The following SESTD1 variants were observed in gnomAD, a reference collection of about 807,000 sequenced individuals.
SESTD1 encodes SEC14 domain and spectrin repeat-containing protein 1.
In SESTD1, 43 loss-of-function variants were observed where a neutral mutation model predicts 101.7. That is an observed-to-expected ratio of 0.42 (90% CI 0.33 to 0.55). The LOEUF is 0.55. SESTD1 is among the 20% of genes least tolerant of loss of function. The probability of loss-of-function intolerance (pLI) is 0.07; values close to 1 mark genes in which losing one functional copy is unlikely to be tolerated. For synonymous variants in SESTD1, 283 were observed against 286.8 expected, an observed-to-expected ratio of 0.99 and a Z score of 0.13; for missense variants, 647 against 815.1, an observed-to-expected ratio of 0.79 and a Z score of 2.51.
At chr2:179,150,287 C>T (rs1009957141) in intron 6 of SESTD1, among the ~76,000 whole-genome samples, 23 of 151,698 alleles carry the variant, frequency 1.5e-4, no homozygotes, top group Non-Finnish European at 2.2e-4. Flanking sequence ...CACCATTCTC[C>T]AATAAAATTA....
chr2:179,169,709 C>T (rs1280123118), intron 5 of SESTD1, among the ~76,000 whole-genome samples: 1 of 152,042 alleles, frequency 6.6e-6, no homozygotes, highest in African/African-American at 2.4e-5. Flanking sequence ...CAGCCGGGCA[C>T]GGTGCCTCAT....
intron 5 of SESTD1, among the ~76,000 whole-genome samples, chr2:179,164,781 T>C (rs1165777688): frequency 6.6e-6 from 1 of 152,146 alleles, no homozygotes; most frequent in Non-Finnish European, 1.5e-5. Flanking sequence ...CAAGAAATCA[T>C]GTGGGAACAA....
intron 10 of SESTD1, 30 bp downstream of exon 10, chr2:179,132,274 T>C (rs2045030011): frequency 2.0e-6 from 3 of 1,523,336 alleles, no homozygotes; most frequent in African/African-American, 1.4e-5. Flanking sequence ...CATAATATCA[T>C]TGTAACTTGC....
At chr2:179,185,802 T>A (rs565744380) in intron 2 of SESTD1, among the ~76,000 whole-genome samples, 225 of 128,376 alleles carry the variant, frequency 1.8e-3, no homozygotes, top group South Asian at 0.014. Context: ...ATATATAATA[T>A]AGCATATACA....
In SESTD1 at chr2:179,149,103, A is replaced by G. The variant is rs891649975; in HGVS notation, c.581+194T>C. Among the ~76,000 whole-genome samples the G allele has an allele frequency of 2.0e-5, 3 of 149,592 alleles. No homozygotes were observed. In the East Asian group the frequency reaches 5.9e-4, roughly 29 times the overall value. On this transcript the variant is annotated intron_variant, in intron 7 of 17. Coordinates refer to ENST00000428443, the MANE Select transcript of SESTD1 (RefSeq NM_178123.5). ...AAAAAAAAAAAAAAGGCTTTTGTGA[A>G]GAAACTCTGATTCAAACCAATACAT... is the stretch of plus-strand genomic sequence containing the variant.
chr2:179,224,580 AG>A (rs1377201649), intron 1 of SESTD1, among the ~76,000 whole-genome samples: 3 of 152,198 alleles, frequency 2.0e-5, no homozygotes, highest in East Asian at 3.8e-4. Context: ...GCCGGTTGCC[AG>A]GGAAATCAAC....
At chr2:179,197,522 T>G (rs1299481976) in intron 1 of SESTD1, among the ~76,000 whole-genome samples, 1 of 151,684 alleles carries the variant, frequency 6.6e-6, no homozygotes, top group African/African-American at 2.4e-5. Flanking sequence ...TTCACCAAAG[T>G]TGAAATGAAG....
At position 179,108,717 on chromosome 2, in the gene SESTD1, TA is replaced by T. The variant is rs1461347924; in HGVS notation, c.*1181del. 1 of 152,018 alleles carries T rather than the reference TA, an allele frequency of 6.6e-6. No individual in the cohort carries two copies. The highest frequency in any genetic ancestry group is 2.4e-5 in the African/African-American group (1 of 41,430). 9.4% of individuals were successfully genotyped at this position (152,018 alleles called of 1,614,324 possible). ...GACTAAAAAATAATTTTTAATATTTTAAAAAATGTTCTGAAATAAAAATACA... is the reference window on the plus strand; with the variant it reads ...GACTAAAAAATAATTTTTAATATTTTAAAAATGTTCTGAAATAAAAATACA... On this transcript the variant is annotated 3_prime_UTR_variant, in exon 18 of 18. Transcript: ENST00000428443.
chr2:179,254,320 C>G (rs1347200453), intron 1 of SESTD1, among the ~76,000 whole-genome samples: 1 of 152,090 alleles, frequency 6.6e-6, no homozygotes, highest in African/African-American at 2.4e-5. Context: ...CAACCCCTTC[C>G]TCACTTTTTC....
intron 1 of SESTD1, among the ~76,000 whole-genome samples, chr2:179,254,870 C>T (rs1316521663): frequency 1.3e-5 from 2 of 152,176 alleles, no homozygotes; most frequent in Non-Finnish European, 2.9e-5. Context: ...AGTTTGTCAG[C>T]TCATTTTTCC....
At chr2:179,230,113 C>CTCTCTTTTTT (rs2046962437) in intron 1 of SESTD1, among the ~76,000 whole-genome samples, 2 of 56,402 alleles carry the variant, frequency 3.5e-5, no homozygotes, top group Non-Finnish European at 6.7e-5. Context: ...GATTGTATCT[C>CTCTCTTTTTT]TTTTTTTTTT....
At chr2:179,261,636 A>T (rs2047484667) in intron 1 of SESTD1, among the ~76,000 whole-genome samples, 1 of 152,120 alleles carries the variant, frequency 6.6e-6, no homozygotes. Context: ...GACAAACATT[A>T]ACAAGTGTTG....
intron 5 of SESTD1, among the ~76,000 whole-genome samples, chr2:179,156,990 A>C (rs1278017991): frequency 6.6e-6 from 1 of 152,060 alleles, no homozygotes; most frequent in Non-Finnish European, 1.5e-5. Flanking sequence ...TCTTGAGTTG[A>C]TTTTTGTACA....
intron 1 of SESTD1, among the ~76,000 whole-genome samples, chr2:179,219,896 A>C (rs921072473): frequency 6.6e-6 from 1 of 152,322 alleles, no homozygotes; most frequent in Non-Finnish European, 1.5e-5. Context: ...AATTAATTTG[A>C]AAGTTAAAGT....
chr2:179,246,363 C>T (rs751170115), intron 1 of SESTD1, among the ~76,000 whole-genome samples: 7 of 151,376 alleles, frequency 4.6e-5, no homozygotes, highest in Non-Finnish European at 8.8e-5. Context: ...ATCAAGAAGA[C>T]ATAGCAATCC....
At chr2:179,117,733 G>A in intron 13 of SESTD1, 120 bp from the exon 14 acceptor site, 3 of 660,090 alleles carry the variant, frequency 4.5e-6, no homozygotes, top group Non-Finnish European at 7.1e-6. Context: ...AAACAATGGA[G>A]AATGCAAGTA....
chr2:179,197,621 C>A, intron 1 of SESTD1, among the ~76,000 whole-genome samples: 1 of 152,238 alleles, frequency 6.6e-6, no homozygotes, highest in East Asian at 1.9e-4. Context: ...TCTGCAGAAA[C>A]TCTACAAGCC....
At chr2:179,213,391 G>A (rs1204777098) in intron 1 of SESTD1, among the ~76,000 whole-genome samples, 1 of 134,518 alleles carries the variant, frequency 7.4e-6, no homozygotes, top group Non-Finnish European at 1.6e-5. Context: ...GTGGAAGAAA[G>A]GATATCAGTG....
chr2:179,119,296 C>G (rs2044698422), intron 13 of SESTD1, among the ~76,000 whole-genome samples: 1 of 152,102 alleles, frequency 6.6e-6, no homozygotes, highest in Non-Finnish European at 1.5e-5. Flanking sequence ...TTTGATTAAG[C>G]TATAAGGGAT....
Sources: allele counts gnomAD v4.1 joint callset (sites outside exome capture counted in the v4.1 genomes callset), GRCh38; gene constraint gnomAD v4.1.1; transcripts MANE v1.5; gene names NCBI Gene and HGNC (gene_info 2026-07-23, HGNC 2026-07-21).